ZNF883: variants seen among roughly 807,000 people sequenced by gnomAD.
ZNF883 encodes zinc finger protein 883.
upstream of ZNF883, chr9:112,999,776 G>C (rs1445807075): frequency 6.6e-6 from 1 of 152,174 alleles, no homozygotes; most frequent in Non-Finnish European, 1.5e-5. Context: ...ATCATCTCTG[G>C]GCATGCGACA....
chr9:113,009,514 C>CTT (rs72131069), intron 2 of ZNF883, among the ~76,000 whole-genome samples: 9,142 of 145,048 alleles, frequency 0.063, 578 homozygotes, highest in East Asian at 0.33. Context: ...GCTCATATTC[C>CTT]TTTTTTTTTT....
exon 1 of ZNF883, chr9:112,997,851 T>C (rs1828379614): frequency 6.2e-7 from 1 of 1,613,358 alleles, no homozygotes; most frequent in Non-Finnish European, 8.5e-7. Context: ...AGGGCAGAGA[T>C]ATGGCTGAAA....
chr9:112,988,367 A>C (rs968779418), intron 1 of ZNF883, among the ~76,000 whole-genome samples: 2 of 152,012 alleles, frequency 1.3e-5, no homozygotes, highest in African/African-American at 4.8e-5. Flanking sequence ...CTCATTGTTC[A>C]GCTCCCACTT....
downstream of ZNF883, among the ~76,000 whole-genome samples, chr9:112,996,608 G>T (rs1027283795): frequency 2.7e-5 from 4 of 150,046 alleles, no homozygotes; most frequent in South Asian, 8.5e-4. Flanking sequence ...TGGCTAACAC[G>T]GTGAAACCCC....
exon 1 of ZNF883, chr9:112,998,104 C>G: frequency 6.2e-7 from 1 of 1,613,852 alleles, no homozygotes; most frequent in Non-Finnish European, 8.5e-7. Flanking sequence ...GATTACTGTT[C>G]CGGGTAAAGG....
chr9:112,996,809 AAAAAAAAAAAAAAAAG>A (rs1364271167), downstream of ZNF883, among the ~76,000 whole-genome samples: 4 of 150,144 alleles, frequency 2.7e-5, no homozygotes, highest in Non-Finnish European at 4.4e-5. Flanking sequence ...AAAAAAAAAA[AAAAAAAAAAAAAAAAG>A]TTTTTTTATA....
At chr9:112,993,516 C>A (rs1828321889), downstream of ZNF883, among the ~76,000 whole-genome samples, 1 of 152,148 alleles carries the variant, frequency 6.6e-6, no homozygotes, top group Admixed American at 6.5e-5. Flanking sequence ...GGGGAGATCT[C>A]CCCAGTCAGG....
At chr9:112,997,370 T>G in exon 1 of ZNF883, 1 of 1,614,050 alleles carries the variant, frequency 6.2e-7, no homozygotes, top group Non-Finnish European at 8.5e-7. Flanking sequence ...TTTCTGACAT[T>G]CATTACATTG....
intron 2 of ZNF883, among the ~76,000 whole-genome samples, chr9:113,005,974 A>G (rs1002113988): frequency 1.3e-5 from 2 of 152,152 alleles, no homozygotes; most frequent in Non-Finnish European, 2.9e-5. Flanking sequence ...TTACAAGACA[A>G]TGAGTCATAT....
intron 2 of ZNF883, among the ~76,000 whole-genome samples, chr9:113,005,595 T>C (rs1828467075): frequency 1.3e-5 from 2 of 152,208 alleles, no homozygotes; most frequent in African/African-American, 4.8e-5. Flanking sequence ...TATTATAAAG[T>C]CACATTACAA....
downstream of ZNF883, among the ~76,000 whole-genome samples, chr9:112,994,306 C>CGTGCTTTTCCTCACTCTCT (rs1828328755): frequency 6.6e-6 from 1 of 151,716 alleles, no homozygotes; most frequent in Non-Finnish European, 1.5e-5. Context: ...CCTCACTCTC[C>CGTGCTTTTCCTCACTCTCT]GTGCTTTTCC....
At position 112,990,147 on chromosome 9, in the gene ZNF883, A is replaced by G. The variant is rs149849696; in HGVS notation, n.310-6568T>C. 7.2e-3 allele frequency among the ~76,000 whole-genome samples: 1,096 copies of G among 152,222 alleles called. 11 individuals are homozygous for G. Among genetic ancestry groups the G allele is most frequent in the Admixed American group, 0.014 (213 of 15,294 alleles). ...GATTGCCCTGGCCAGAACTTCCAATACCATGTTGAATAGAAGTGGTGATAG... is the reference window on the plus strand; with the variant it reads ...GATTGCCCTGGCCAGAACTTCCAATGCCATGTTGAATAGAAGTGGTGATAG... On this transcript the variant is annotated intron_variant and non_coding_transcript_variant, in intron 1 of 9. Transcript: ENST00000638823.
upstream of ZNF883, chr9:112,998,890 G>A (rs1393528152): frequency 2.6e-5 from 4 of 152,074 alleles, no homozygotes; most frequent in Non-Finnish European, 4.4e-5. Flanking sequence ...ATGTTTCCTC[G>A]AAGTTGTTAT....
At chr9:112,996,960 G>T (rs1828364090), downstream of ZNF883, among the ~76,000 whole-genome samples, 1 of 151,812 alleles carries the variant, frequency 6.6e-6, no homozygotes, top group African/African-American at 2.4e-5. Flanking sequence ...ACCTTTTTTA[G>T]ATTATAAGCA....
chr9:112,998,235 T>C, exon 1 of ZNF883: 1 of 1,597,122 alleles, frequency 6.3e-7, no homozygotes, highest in Non-Finnish European at 8.5e-7. Context: ...GGGTTCGCGG[T>C]CATATAAATT....
At chr9:112,991,443 G>C (rs1298074354) in intron 1 of ZNF883, among the ~76,000 whole-genome samples, 2 of 151,884 alleles carry the variant, frequency 1.3e-5, no homozygotes, top group Non-Finnish European at 2.9e-5. Context: ...GCTGTGGTCT[G>C]AGAGAGTGTG....
intron 2 of ZNF883, among the ~76,000 whole-genome samples, chr9:113,009,379 C>T (rs1175323019): frequency 5.9e-5 from 9 of 152,150 alleles, no homozygotes; most frequent in Non-Finnish European, 1.2e-4. Flanking sequence ...TCTCTGGCCA[C>T]GTGGCCTTCC....
chr9:113,000,881 G>A (rs1431144201), upstream of ZNF883, among the ~76,000 whole-genome samples: 1 of 151,986 alleles, frequency 6.6e-6, no homozygotes, highest in African/African-American at 2.4e-5. Context: ...GACTATTTGA[G>A]GATATCAGAA....
downstream of ZNF883, among the ~76,000 whole-genome samples, chr9:112,996,796 A>G (rs1473509250): frequency 0.087 from 3,931 of 44,998 alleles, 85 homozygotes; most frequent in East Asian, 0.32. Context: ...GTCTCAAAAA[A>G]AAAAAAAAAA....
Sources: allele counts gnomAD v4.1 joint callset (sites outside exome capture counted in the v4.1 genomes callset), GRCh38; gene constraint gnomAD v4.1.1; transcripts MANE v1.5; gene names NCBI Gene and HGNC (gene_info 2026-07-23, HGNC 2026-07-21).